Variants in ST8SIA2 observed in about 807,000 individuals in gnomAD.
ST8SIA2 encodes the protein alpha-2,8-sialyltransferase 8B.
In ST8SIA2, 22 loss-of-function variants were observed where a neutral mutation model predicts 37.6. The observed-to-expected ratio is 0.58, with a 90% CI of 0.42 to 0.83. The LOEUF is 0.83. Ranked by LOEUF, ST8SIA2 falls within the 40% of genes least tolerant of loss-of-function variation. The pLI, the probability that ST8SIA2 is intolerant of heterozygous loss-of-function variation, is 0.00. For synonymous variants in ST8SIA2, 205 were observed against 201.2 expected (o/e 1.02, Z -0.16); for missense variants, 382 against 484.7 (o/e 0.79, Z 1.99).
intron 4 of ST8SIA2, among the ~76,000 whole-genome samples, chr15:92,440,178 G>A (rs2049791007): frequency 6.6e-6 from 1 of 152,178 alleles, no homozygotes; most frequent in Non-Finnish European, 1.5e-5. Flanking sequence ...CACATGACTT[G>A]GAGTGTATCT....
At chr15:92,450,332 T>C (rs1266069118) in intron 5 of ST8SIA2, among the ~76,000 whole-genome samples, 1 of 152,166 alleles carries the variant, frequency 6.6e-6, no homozygotes, top group African/African-American at 2.4e-5. Context: ...AAATGGCCAA[T>C]AAGTACGTGG....
At chr15:92,436,137 GA>G (rs2049756393) in intron 3 of ST8SIA2, among the ~76,000 whole-genome samples, 1 of 152,150 alleles carries the variant, frequency 6.6e-6, no homozygotes, top group East Asian at 1.9e-4. Context: ...CTAATCTCCA[GA>G]TCCTTAAGTT....
At chr15:92,458,158 C>T (rs1038821529) in intron 5 of ST8SIA2, among the ~76,000 whole-genome samples, 1 of 152,222 alleles carries the variant, frequency 6.6e-6, no homozygotes, top group Non-Finnish European at 1.5e-5. Context: ...TTATTTCTCA[C>T]TCACTCGCAA....
In ST8SIA2 at chr15:92,394,415, G is replaced by A. The variant is rs368004642; in HGVS notation, c.98+253G>A. 1.4e-3 allele frequency among the ~76,000 whole-genome samples: 216 copies of A among 152,212 alleles called. 1 individual carries two copies. The highest frequency in any genetic ancestry group is 5.6e-3 in the Admixed American group (86 of 15,296). ...GAAGCCCCCAGCTGGCCCGCGTCGGGAAGCGGACTCGCCCACCCTGCCCCC... is the reference window on the plus strand; with the variant it reads ...GAAGCCCCCAGCTGGCCCGCGTCGGAAAGCGGACTCGCCCACCCTGCCCCC... On this transcript the variant is annotated intron_variant, in intron 1 of 5. Coordinates refer to ENST00000268164, the MANE Select transcript of ST8SIA2 (RefSeq NM_006011.4).
chr15:92,394,203 G>T (rs1052326490), intron 1 of ST8SIA2, 41 bp downstream of exon 1: 40 of 1,503,496 alleles, frequency 2.7e-5, no homozygotes, highest in Middle Eastern at 3.4e-4. Flanking sequence ...AGCCCTGGCG[G>T]GATCTCTCCC....
chr15:92,444,091 T>C (rs2049823086), intron 4 of ST8SIA2, among the ~76,000 whole-genome samples: 1 of 152,158 alleles, frequency 6.6e-6, no homozygotes, highest in African/African-American at 2.4e-5. Context: ...TTATATCCAG[T>C]AGTGTTCTAA....
At chr15:92,400,993 T>A (rs1412355026) in intron 1 of ST8SIA2, among the ~76,000 whole-genome samples, 1 of 152,176 alleles carries the variant, frequency 6.6e-6, no homozygotes. Context: ...TGTTTTTATT[T>A]GAAAACACTG....
chr15:92,416,379 G>C (rs959788638), intron 1 of ST8SIA2, among the ~76,000 whole-genome samples: 1 of 152,044 alleles, frequency 6.6e-6, no homozygotes, highest in African/African-American at 2.4e-5. Flanking sequence ...GAGGCAGCCA[G>C]GTTGTGCTGT....
chr15:92,424,483 G>A (rs1160351430), intron 1 of ST8SIA2, among the ~76,000 whole-genome samples: 2 of 152,206 alleles, frequency 1.3e-5, no homozygotes, highest in African/African-American at 4.8e-5. Context: ...CACTAGAATA[G>A]ATCCAGCTGT....
At position 92,464,282 on chromosome 15, in the gene ST8SIA2, A is replaced by G; in HGVS notation, c.1025A>G (p.Gln342Arg). The G allele has an allele frequency of 6.2e-7, 1 of 1,613,718 alleles. No individual in the cohort carries two copies. The highest frequency in any genetic ancestry group is 8.5e-7 in the Non-Finnish European group (1 of 1,179,954). ...YDSLKYGYTS[Q>R]ASPHTMPLEF... The stretch of plus-strand genomic sequence containing the variant: ...AGCCTCAAGTATGGCTACACCTCCC[A>G]GGCCAGCCCGCATACCATGCCCTTG... The change falls in exon 6 of 6, where the codon CAG becomes CGG. Residue 342 changes from glutamine to arginine, a missense_variant. Coordinates refer to ENST00000268164, the MANE Select transcript of ST8SIA2 (RefSeq NM_006011.4).
At chr15:92,458,158 C>G (rs1038821529) in intron 5 of ST8SIA2, among the ~76,000 whole-genome samples, 6 of 152,222 alleles carry the variant, frequency 3.9e-5, no homozygotes, top group African/African-American at 1.4e-4. Context: ...TTATTTCTCA[C>G]TCACTCGCAA....
In ST8SIA2 at chr15:92,408,672, A is replaced by ATTTT. The variant is rs568463772; in HGVS notation, c.98+14515_98+14518dup. Among the ~76,000 whole-genome samples, 130 of 144,358 alleles carry ATTTT rather than the reference A, an allele frequency of 9.0e-4. 2 individuals carry two copies. The highest frequency in any genetic ancestry group is 2.2e-3 in the South Asian group (10 of 4,552). The allele number at this position is 144,358 out of a possible 152,430, so 94.7% of individuals were successfully genotyped here. A position where few individuals can be genotyped will look rare whatever the true frequency, so the allele number is the denominator to read the frequency against. On this transcript the variant is annotated intron_variant, in intron 1 of 5. Transcript: ENST00000268164. ...TCTGATTTGAAATCCACTGAGTTCC[A>ATTTT]TTTTTTTTATTTATTTATTTATTTA...
intron 1 of ST8SIA2, among the ~76,000 whole-genome samples, chr15:92,405,108 A>G (rs2049498454): frequency 1.3e-5 from 2 of 151,546 alleles, no homozygotes; most frequent in Admixed American, 1.3e-4. Flanking sequence ...AATTTTTTTT[A>G]AAAAGGTATA....
intron 1 of ST8SIA2, among the ~76,000 whole-genome samples, chr15:92,395,411 C>T (rs913067795): frequency 2.6e-5 from 4 of 152,184 alleles, no homozygotes; most frequent in Non-Finnish European, 5.9e-5. Context: ...GCCGAGGCCC[C>T]AAGGACAAAA....
At chr15:92,455,539 C>T (rs1004224115) in intron 5 of ST8SIA2, among the ~76,000 whole-genome samples, 31 of 152,198 alleles carry the variant, frequency 2.0e-4, no homozygotes, top group Admixed American at 1.4e-3. Flanking sequence ...TTTACACCTA[C>T]GGAACGTGGT....
chr15:92,452,183 C>T (rs1029220077), intron 5 of ST8SIA2, among the ~76,000 whole-genome samples: 2 of 152,098 alleles, frequency 1.3e-5, no homozygotes, highest in African/African-American at 4.8e-5. Flanking sequence ...AGCAGTGGTT[C>T]TTTACATTCA....
intron 1 of ST8SIA2, among the ~76,000 whole-genome samples, chr15:92,429,046 C>A (rs904979026): frequency 2.6e-5 from 4 of 152,260 alleles, no homozygotes; most frequent in African/African-American, 9.6e-5. Context: ...ATAACTCCCC[C>A]CGCAGTGTTC....
intron 1 of ST8SIA2, among the ~76,000 whole-genome samples, chr15:92,394,528 G>A (rs1207228048): frequency 1.3e-5 from 2 of 152,160 alleles, no homozygotes; most frequent in African/African-American, 2.4e-5. Context: ...CGAGAGTGGA[G>A]GGAGGCAGGA....
intron 1 of ST8SIA2, among the ~76,000 whole-genome samples, chr15:92,407,018 A>AG (rs2049513253): frequency 2.6e-5 from 4 of 151,840 alleles, no homozygotes; most frequent in African/African-American, 9.7e-5. Flanking sequence ...AGAAAAGAAA[A>AG]AAAAAAACAC....
Sources: allele counts gnomAD v4.1 joint callset (sites outside exome capture counted in the v4.1 genomes callset), GRCh38; gene constraint gnomAD v4.1.1; transcripts MANE v1.5; gene names NCBI Gene and HGNC (gene_info 2026-07-23, HGNC 2026-07-21).